Variants in PTPRN2 observed in about 807,000 individuals in gnomAD.
PTPRN2 encodes the protein protein tyrosine phosphatase receptor type N2.
In PTPRN2, 74 loss-of-function variants were observed where a neutral mutation model predicts 118.8. The ratio of observed to expected loss-of-function variants is 0.62; its 90% CI spans 0.52 to 0.76. PTPRN2 has a LOEUF of 0.76. Ranked by LOEUF, PTPRN2 falls within the 30% of genes least tolerant of loss-of-function variation. The probability of loss-of-function intolerance (pLI) is 0.00; values close to 1 mark genes in which losing one functional copy is unlikely to be tolerated. For missense variants in PTPRN2, 1,481 were observed against 1,394.4 expected (o/e 1.06, Z -0.99); for synonymous variants, 641 against 608.0 (o/e 1.05, Z -0.80).
intron 12 of PTPRN2, among the ~76,000 whole-genome samples, chr7:157,759,233 A>G (rs966262393): frequency 6.6e-6 from 1 of 152,208 alleles, no homozygotes; most frequent in Non-Finnish European, 1.5e-5. Context: ...GGTCCGAGCT[A>G]AGTTACGTCT....
chr7:158,120,967 G>C (rs548995338), intron 9 of PTPRN2, among the ~76,000 whole-genome samples: 1 of 152,294 alleles, frequency 6.6e-6, no homozygotes, highest in African/African-American at 2.4e-5. Flanking sequence ...CTCCAGACTT[G>C]CATCCAACCA....
intron 12 of PTPRN2, among the ~76,000 whole-genome samples, chr7:157,889,314 T>G (rs1158495608): frequency 6.7e-6 from 1 of 150,172 alleles, no homozygotes; most frequent in Non-Finnish European, 1.5e-5. Context: ...CCCTCTCAAC[T>G]AATCACCACC....
chr7:157,876,479 C>G (rs924833603), intron 12 of PTPRN2, among the ~76,000 whole-genome samples: 2 of 152,208 alleles, frequency 1.3e-5, no homozygotes, highest in Non-Finnish European at 2.9e-5. Flanking sequence ...GAAAAAAGTA[C>G]TGTTGGATGC....
chr7:158,559,620 C>A (rs1293333087), intron 1 of PTPRN2, among the ~76,000 whole-genome samples: 10 of 152,208 alleles, frequency 6.6e-5, no homozygotes. Context: ...ACCCAGCCAG[C>A]TTTTCAGGGC....
At chr7:158,255,875 T>C (rs1397555432) in intron 3 of PTPRN2, among the ~76,000 whole-genome samples, 1 of 152,154 alleles carries the variant, frequency 6.6e-6, no homozygotes, top group Non-Finnish European at 1.5e-5. Context: ...ACTACCTTTC[T>C]CTGCCTGTTC....
chr7:158,461,791 A>T (rs556059037), intron 2 of PTPRN2, among the ~76,000 whole-genome samples: 1 of 152,226 alleles, frequency 6.6e-6, no homozygotes, highest in Non-Finnish European at 1.5e-5. Context: ...GTTTTTCAAC[A>T]TTATAAATAA....
chr7:158,265,659 G>T (rs769116224), intron 3 of PTPRN2, among the ~76,000 whole-genome samples: 1 of 152,238 alleles, frequency 6.6e-6, no homozygotes, highest in Admixed American at 6.5e-5. Flanking sequence ...TCAGCAGGAG[G>T]CCTGGCAGAA....
chr7:158,184,810 T>C (rs1161864810), intron 5 of PTPRN2, among the ~76,000 whole-genome samples: 1 of 151,686 alleles, frequency 6.6e-6, no homozygotes, highest in Non-Finnish European at 1.5e-5. Context: ...TGAACTTCCG[T>C]CTCAAAAGAA....
chr7:157,722,505 G>A (rs1799297648), intron 12 of PTPRN2, among the ~76,000 whole-genome samples: 1 of 152,204 alleles, frequency 6.6e-6, no homozygotes, highest in Non-Finnish European at 1.5e-5. Context: ...GACGAGCAGT[G>A]AATGAAGATG....
chr7:158,409,123 C>T (rs960429180), intron 2 of PTPRN2, among the ~76,000 whole-genome samples: 1 of 152,210 alleles, frequency 6.6e-6, no homozygotes, highest in Non-Finnish European at 1.5e-5. Flanking sequence ...GAAGCCCCCG[C>T]AGGTAATGCT....
At chr7:158,149,221 G>C (rs1467838313) in intron 6 of PTPRN2, among the ~76,000 whole-genome samples, 2 of 151,230 alleles carry the variant, frequency 1.3e-5, no homozygotes, top group African/African-American at 4.9e-5. Flanking sequence ...GGGCTGACCT[G>C]CTCTCCAAGC....
intron 12 of PTPRN2, among the ~76,000 whole-genome samples, chr7:157,766,155 A>T (rs1802467391): frequency 7.2e-6 from 1 of 139,362 alleles, no homozygotes; most frequent in Admixed American, 7.3e-5. Context: ...CTCTTCTTCC[A>T]TCCATCCACC....
At chr7:158,354,423 A>C (rs1808231849) in intron 2 of PTPRN2, among the ~76,000 whole-genome samples, 1 of 152,214 alleles carries the variant, frequency 6.6e-6, no homozygotes, top group Non-Finnish European at 1.5e-5. Context: ...AAGAAATCAA[A>C]ATGGCAGCCC....
At chr7:158,058,187 C>T (rs1178982444) in intron 11 of PTPRN2, among the ~76,000 whole-genome samples, 2 of 139,814 alleles carry the variant, frequency 1.4e-5, no homozygotes, top group African/African-American at 5.1e-5. Flanking sequence ...TGAGACATCA[C>T]TGTAGCCACA....
At chr7:158,146,962 C>A (rs1364715663) in intron 6 of PTPRN2, among the ~76,000 whole-genome samples, 6 of 143,076 alleles carry the variant, frequency 4.2e-5, no homozygotes, top group East Asian at 2.1e-4. Flanking sequence ...CAATGACACC[C>A]CATCTCACGC....
At chr7:158,075,347 G>A (rs1312242556) in intron 11 of PTPRN2, among the ~76,000 whole-genome samples, 3 of 152,144 alleles carry the variant, frequency 2.0e-5, no homozygotes, top group South Asian at 2.1e-4. Flanking sequence ...GCAGAACCTC[G>A]CCATAGTCCT....
At chr7:157,805,289 CTGTGTG>C (rs57161533) in intron 12 of PTPRN2, among the ~76,000 whole-genome samples, 37 of 148,790 alleles carry the variant, frequency 2.5e-4, no homozygotes, top group African/African-American at 4.7e-4. Flanking sequence ...ATATATACTC[CTGTGTG>C]TGTGTGTGTG....
intron 12 of PTPRN2, among the ~76,000 whole-genome samples, chr7:157,850,277 T>C (rs896649132): frequency 6.7e-6 from 1 of 149,956 alleles, no homozygotes; most frequent in Non-Finnish European, 1.5e-5. Flanking sequence ...ATTTCCGACA[T>C]GGGGTGCCTC....
intron 6 of PTPRN2, among the ~76,000 whole-genome samples, chr7:158,150,643 T>C (rs1184225495): frequency 6.6e-6 from 1 of 151,912 alleles, no homozygotes; most frequent in Non-Finnish European, 1.5e-5. Context: ...CCCCTCTAAT[T>C]CCACCCTTGT....
Sources: allele counts gnomAD v4.1 joint callset (sites outside exome capture counted in the v4.1 genomes callset), GRCh38; gene constraint gnomAD v4.1.1; transcripts MANE v1.5; gene names NCBI Gene and HGNC (gene_info 2026-07-23, HGNC 2026-07-21).